SPAG16: variants seen among roughly 807,000 people sequenced by gnomAD.
SPAG16 encodes sperm associated antigen 16.
Under a neutral mutation model 80.4 loss-of-function variants are expected in SPAG16, and 86 were observed. The ratio of observed to expected loss-of-function variants is 1.07; its 90% CI spans 0.90 to 1.28. The LOEUF (loss-of-function observed/expected upper bound fraction) is 1.28. SPAG16 is among the 50% of genes most tolerant of loss of function. The probability of loss-of-function intolerance (pLI) is 0.00; values close to 1 mark genes in which losing one functional copy is unlikely to be tolerated. For synonymous variants in SPAG16, 294 were observed against 265.9 expected, an observed-to-expected ratio of 1.11 and a Z score of -1.03; for missense variants, 870 against 765.3, an observed-to-expected ratio of 1.14 and a Z score of -1.61.
At chr2:214,287,266 T>C (rs1231528057) in intron 15 of SPAG16, among the ~76,000 whole-genome samples, 1 of 152,248 alleles carries the variant, frequency 6.6e-6, no homozygotes, top group Non-Finnish European at 1.5e-5. Flanking sequence ...AAGTAGAAAT[T>C]ACTCTTCAAA....
At chr2:213,576,998 A>G (rs1253398238) in intron 10 of SPAG16, among the ~76,000 whole-genome samples, 1 of 152,054 alleles carries the variant, frequency 6.6e-6, no homozygotes, top group Admixed American at 6.6e-5. Context: ...TGTTGTACAT[A>G]TTTCTTTGCT....
chr2:213,456,476 T>C (rs1461892939), intron 9 of SPAG16, among the ~76,000 whole-genome samples: 1 of 152,356 alleles, frequency 6.6e-6, no homozygotes, highest in Non-Finnish European at 1.5e-5. Flanking sequence ...TTTTGATGTT[T>C]TGAAAAGTTA....
At chr2:213,777,729 G>T (rs1474779335) in intron 10 of SPAG16, among the ~76,000 whole-genome samples, 1 of 152,040 alleles carries the variant, frequency 6.6e-6, no homozygotes, top group African/African-American at 2.4e-5. Flanking sequence ...GAGAGATAGG[G>T]TTTCACCGTG....
chr2:213,312,354 A>G (rs369351471), intron 4 of SPAG16, among the ~76,000 whole-genome samples: 14 of 151,736 alleles, frequency 9.2e-5, no homozygotes, highest in Middle Eastern at 3.4e-3. Flanking sequence ...GGGGGGAAAA[A>G]TTAAAGAAGA....
At chr2:214,044,042 T>A (rs572042515) in intron 13 of SPAG16, among the ~76,000 whole-genome samples, 1 of 152,210 alleles carries the variant, frequency 6.6e-6, no homozygotes, top group Admixed American at 6.5e-5. Context: ...GAATTATATA[T>A]TATTGTCTTA....
intron 10 of SPAG16, among the ~76,000 whole-genome samples, chr2:213,757,120 G>C (rs368686422): frequency 6.6e-6 from 1 of 151,952 alleles, no homozygotes; most frequent in South Asian, 2.1e-4. Flanking sequence ...TTAAAAATTG[G>C]GTTAAAATAG....
At chr2:213,536,201 GAAAT>G (rs1347468624) in intron 10 of SPAG16, among the ~76,000 whole-genome samples, 3 of 151,982 alleles carry the variant, frequency 2.0e-5, no homozygotes, top group Non-Finnish European at 4.4e-5. Context: ...TTTGAATAAA[GAAAT>G]TGCTATTTGG....
chr2:214,271,202 T>C (rs886548542), intron 15 of SPAG16, among the ~76,000 whole-genome samples: 1 of 152,162 alleles, frequency 6.6e-6, no homozygotes, highest in Non-Finnish European at 1.5e-5. Flanking sequence ...ATTTCAACAA[T>C]TAAGACTATA....
At chr2:214,238,074 C>T (rs1267591310) in intron 15 of SPAG16, 1 of 299,100 alleles carries the variant, frequency 3.3e-6, no homozygotes, top group Non-Finnish European at 6.5e-6. Context: ...TCATTAGCAT[C>T]AAGAATATTT....
At position 213,700,321 on chromosome 2, in the gene SPAG16, C is replaced by G. The variant is rs529016537; in HGVS notation, c.1071-162164C>G. Among the ~76,000 whole-genome samples, 27 of 152,004 alleles carry G rather than the reference C, an allele frequency of 1.8e-4. 2 individuals are homozygous for G. Among genetic ancestry groups the G allele is most frequent in the African/African-American group, 6.3e-4 (26 of 41,476 alleles). ...TACTGAATTACATATGAATCAAATT[C>G]ACAAATAAAGTTAGCTCACTTTAAA... On this transcript the variant is annotated intron_variant, in intron 10 of 15. Transcript: ENST00000331683.
chr2:213,308,387 TA>T, intron 3 of SPAG16, among the ~76,000 whole-genome samples: 2 of 152,170 alleles, frequency 1.3e-5, no homozygotes, highest in Non-Finnish European at 2.9e-5. Flanking sequence ...GAGTATCTTT[TA>T]TCCAAAATGC....
At chr2:213,865,637 T>C (rs2105962017) in intron 11 of SPAG16, among the ~76,000 whole-genome samples, 1 of 149,422 alleles carries the variant, frequency 6.7e-6, no homozygotes, top group East Asian at 1.9e-4. Context: ...TGTATATTTA[T>C]GTATGTTATA....
At chr2:213,437,699 C>T (rs1218704806) in intron 9 of SPAG16, among the ~76,000 whole-genome samples, 1 of 152,014 alleles carries the variant, frequency 6.6e-6, no homozygotes, top group East Asian at 1.9e-4. Context: ...TTTTTAAAAA[C>T]ATACTCAGAG....
At chr2:213,669,168 T>C (rs16850667) in intron 10 of SPAG16, among the ~76,000 whole-genome samples, 7,578 of 152,278 alleles carry the variant, frequency 0.05, 607 homozygotes, top group African/African-American at 0.17. Flanking sequence ...AAGTTGAGAA[T>C]CTTTTCCAGT....
rs2125984123 is a variant in SPAG16, at chr2:213,562,026, T to C, written c.1070+71936T>C. On this transcript the variant is annotated intron_variant, in intron 10 of 15. Transcript: ENST00000331683. ...TGTCTTCCAATCATTTAAAGGAAAATGCATGAAGGTACATTTTCTGAATTC... is the reference window on the plus strand; with the variant it reads ...TGTCTTCCAATCATTTAAAGGAAAACGCATGAAGGTACATTTTCTGAATTC... Among the ~76,000 whole-genome samples, 2 of 152,334 alleles carry C rather than the reference T, an allele frequency of 1.3e-5. 1 individual carries two copies. Among genetic ancestry groups the C allele is most frequent in the South Asian group, 4.1e-4 (2 of 4,826 alleles).
intron 15 of SPAG16, among the ~76,000 whole-genome samples, chr2:214,237,729 C>A (rs1430111709): frequency 6.6e-6 from 1 of 151,952 alleles, no homozygotes. Context: ...TACTTCATCT[C>A]ATTTCCTCTC....
At chr2:213,808,962 T>C (rs2071949174) in intron 10 of SPAG16, among the ~76,000 whole-genome samples, 2 of 152,138 alleles carry the variant, frequency 1.3e-5, no homozygotes, top group Non-Finnish European at 1.5e-5. Flanking sequence ...TAGAGTTTTA[T>C]TGAAAAAAGG....
At chr2:213,988,479 C>T (rs1376620231) in intron 12 of SPAG16, among the ~76,000 whole-genome samples, 1 of 151,946 alleles carries the variant, frequency 6.6e-6, no homozygotes, top group Non-Finnish European at 1.5e-5. Flanking sequence ...AATTAAACAA[C>T]ACATTTTAAA....
At chr2:213,958,821 A>C (rs2044274952) in intron 12 of SPAG16, among the ~76,000 whole-genome samples, 2 of 151,958 alleles carry the variant, frequency 1.3e-5, no homozygotes, top group Admixed American at 1.3e-4. Flanking sequence ...TAGCTTTTGT[A>C]ATTGCCCATA....
Sources: gnomAD v4.1 joint callset for allele counts (sites outside exome capture counted in the v4.1 genomes callset) on GRCh38, gnomAD v4.1.1 for gene constraint, MANE v1.5 for transcripts, NCBI Gene and HGNC (gene_info 2026-07-23, HGNC 2026-07-21) for gene names.